RBM4: variants seen among roughly 807,000 people sequenced by gnomAD.
RBM4 encodes the protein RNA binding motif protein 4.
Under a neutral mutation model 29.5 loss-of-function variants are expected in RBM4, and 7 were observed. The observed-to-expected ratio is 0.24, with a 90% CI of 0.14 to 0.45. RBM4 has a LOEUF of 0.45. Ranked by LOEUF, RBM4 falls within the 20% of genes least tolerant of loss-of-function variation. The pLI is 1.00. For synonymous variants in RBM4, 220 were observed against 205.4 expected, an observed-to-expected ratio of 1.07 and a Z score of -0.61; for missense variants, 387 against 502.3, an observed-to-expected ratio of 0.77 and a Z score of 2.19.
At position 66,646,267 on chromosome 11, in the gene RBM4, C is replaced by T; in HGVS notation, c.*249C>T. On this transcript the variant is annotated 3_prime_UTR_variant, in exon 4 of 4. Transcript: ENST00000310092. ...AGCTTCCCATTCATGTTCTCTTCTC[C>T]CAGCAGGCCTCATTGTGTGCAGAAA... The T allele has an allele frequency of 7.1e-7, 1 of 1,403,916 alleles. No individual in the cohort carries two copies. Among genetic ancestry groups the T allele is most frequent in the Non-Finnish European group, 9.3e-7 (1 of 1,078,728 alleles). 87.0% of individuals were successfully genotyped at this position (1,403,916 alleles called of 1,614,324 possible). A position where few individuals can be genotyped will look rare whatever the true frequency, so the allele number is the denominator to read the frequency against.
At chr11:66,640,224 C>T in intron 2 of RBM4, 101 bp downstream of exon 2, 1 of 1,483,362 alleles carries the variant, frequency 6.7e-7, no homozygotes. Flanking sequence ...CAGCTGTTGG[C>T]TGGCTGGTGA....
Position 66,639,995 on chromosome 11 carries a change from G to C in RBM4, c.284G>C (p.Arg95Pro), listed in dbSNP as rs771469194. 6.2e-7 allele frequency: 1 copy of C among 1,614,138 alleles called. No homozygotes were observed. Among genetic ancestry groups the C allele is most frequent in the Non-Finnish European group, 8.5e-7 (1 of 1,180,038 alleles). Residue 95 changes from arginine (R) to proline (P), a missense_variant, in exon 2 of 4, where the codon CGA becomes CCA. Around this residue, in one of 2 missense-constraint regions of RBM4, gnomAD observed 106 missense variants for 213.6 expected, o/e 0.50. Coordinates refer to ENST00000310092, the MANE Select transcript of RBM4 (RefSeq NM_002896.4). ...ISPTCTNKEL[R>P]AKFEEYGPVI... ...CCCACCTGCACCAATAAGGAGCTTC[G>C]AGCCAAGTTTGAGGAGTATGGTCCG...
downstream of RBM4, among the ~76,000 whole-genome samples, chr11:66,646,860 C>T (rs1195917766): frequency 6.6e-6 from 1 of 152,158 alleles, no homozygotes; most frequent in Non-Finnish European, 1.5e-5. Flanking sequence ...AGTCAGTTTT[C>T]GCTCTTCGTG....
intron 2 of RBM4, among the ~76,000 whole-genome samples, chr11:66,660,351 C>CTTT (rs56839505): frequency 1.4e-4 from 18 of 127,556 alleles, no homozygotes; most frequent in South Asian, 7.6e-4. Flanking sequence ...GGGAGTCTCT[C>CTTT]TTTTTTTTTT....
rs1373442435 is a variant in RBM4 at position 66,643,374 on chromosome 11, A to G, written c.413-76A>G. The G allele has an allele frequency of 6.6e-7, 1 of 1,521,254 alleles. No homozygotes were observed. Among genetic ancestry groups the G allele is most frequent in the Admixed American group, 2.1e-5 (1 of 47,946 alleles). 94.2% of individuals were successfully genotyped at this position (1,521,254 alleles called of 1,614,324 possible). A position where few individuals can be genotyped will look rare whatever the true frequency, so the allele number is the denominator to read the frequency against. On this transcript the variant is annotated intron_variant, in intron 2 of 3. Coordinates refer to ENST00000310092, the MANE Select transcript of RBM4 (RefSeq NM_002896.4). The surrounding 1 kb of genome is among the most constrained non-coding windows in gnomAD (Gnocchi z 6.1). ...GAATTGTCTAGATAAAGCCATTGCT[A>G]TGACCAGTGTCTGGGGTAGGGGCTG...
intron 2 of RBM4, among the ~76,000 whole-genome samples, chr11:66,652,564 G>A (rs906935199): frequency 1.3e-5 from 2 of 152,180 alleles, no homozygotes; most frequent in East Asian, 3.8e-4. Context: ...GCATTATTAA[G>A]TTGTGTCATG....
At chr11:66,639,391 C>T in intron 1 of RBM4, 1 of 360,564 alleles carries the variant, frequency 2.8e-6, no homozygotes. Context: ...GATAGAAAAG[C>T]CTAGTACCCC....
At chr11:66,650,423 T>G (rs1414973868), downstream of RBM4, among the ~76,000 whole-genome samples, 3 of 151,848 alleles carry the variant, frequency 2.0e-5, no homozygotes, top group Non-Finnish European at 4.4e-5. Context: ...CACAAAAAAT[T>G]AGCCGGGCAT....
chr11:66,643,757 C>A lies in RBM4; in HGVS notation c.720C>A (p.Ser240=), dbSNP rs372104227. Residue 240 remains serine (S), a synonymous_variant, in exon 3 of 4, where the codon TCC becomes TCA. Coordinates refer to ENST00000310092, the MANE Select transcript of RBM4 (RefSeq NM_002896.4). This position sits in a 1 kb window ranked among gnomAD's most constrained non-coding sequence, Gnocchi z 6.1. ...AGGCAGTGGCAGCTGCAGCTGCCTC[C>A]GTGTATAATTACGCAGAGCAGACCC... ...SYEAVAAAAA[S]VYNYAEQTLS... 5 of 1,614,054 alleles carry A rather than the reference C, an allele frequency of 3.1e-6. No homozygotes were observed. Among genetic ancestry groups the A allele is most frequent in the Admixed American group, 1.7e-5 (1 of 60,016 alleles).
At chr11:66,656,333 G>T (rs1199451331) in intron 2 of RBM4, among the ~76,000 whole-genome samples, 2 of 152,034 alleles carry the variant, frequency 1.3e-5, no homozygotes, top group African/African-American at 2.4e-5. Flanking sequence ...GTAGAGACAG[G>T]GTTTCACTGT....
rs961680487 is a variant in RBM4 at position 66,643,035 on chromosome 11, C to T, written c.413-415C>T. 6.6e-6 allele frequency among the ~76,000 whole-genome samples: 1 copy of T among 152,094 alleles called. No homozygotes were observed. Among genetic ancestry groups the T allele is most frequent in the Non-Finnish European group, 1.5e-5 (1 of 68,014 alleles). Reference sequence around the variant, plus strand: ...TTTTTGAGGAGGGTGGAGAACTGGCCTTTACTTATATTCCTTTGCTTAATG... The same window carrying T: ...TTTTTGAGGAGGGTGGAGAACTGGCTTTTACTTATATTCCTTTGCTTAATG... On this transcript the variant is annotated intron_variant, in intron 2 of 3. Transcript: ENST00000310092. The surrounding 1 kb of genome is among the most constrained non-coding windows in gnomAD (Gnocchi z 6.1).
chr11:66,644,299 T>C, intron 3 of RBM4, 159 bp downstream of exon 3: 1 of 1,025,784 alleles, frequency 9.7e-7, no homozygotes, highest in Admixed American at 3.1e-5. Flanking sequence ...ACTGCTTAAC[T>C]TTAAAATACA....
At chr11:66,668,282 T>C (rs1261815261) in exon 3 of RBM4, 2 of 227,710 alleles carry the variant, frequency 8.8e-6, no homozygotes, top group Non-Finnish European at 1.8e-5. Context: ...ATCGTGTAGA[T>C]GATATACAGA....
chr11:66,667,722 G>C (rs1212754814), exon 3 of RBM4: 5 of 119,240 alleles, frequency 4.2e-5, no homozygotes, highest in Non-Finnish European at 1.1e-4. Flanking sequence ...TTAAATAAAG[G>C]AGAGACAGTC....
intron 2 of RBM4, chr11:66,640,943 T>A (rs891801371): frequency 2.0e-5 from 3 of 152,212 alleles, no homozygotes; most frequent in Non-Finnish European, 4.4e-5. Context: ...AAATGCTTGT[T>A]AGAGCATTTT....
chr11:66,649,918 T>C (rs1938789214), downstream of RBM4: 3 of 555,364 alleles, frequency 5.4e-6, no homozygotes, highest in Admixed American at 3.5e-5. Context: ...AATAAACTGA[T>C]TTTTTTCCCC....
At position 66,644,136 on chromosome 11, in the gene RBM4, T is replaced by C. The variant is rs765278877; in HGVS notation, c.*4T>C. 6.2e-6 allele frequency: 10 copies of C among 1,609,324 alleles called. No individual in the cohort carries two copies. In the Admixed American group the frequency reaches 8.4e-5, roughly 13 times the overall value. The stretch of plus-strand genomic sequence containing the variant: ...GGCGCGGTACTCAGCCTTTTAAAGC[T>C]TGAGGTGAGAGGGGTGGGGTGTTCC... On this transcript the variant is annotated 3_prime_UTR_variant, in exon 3 of 4. Transcript: ENST00000310092.
downstream of RBM4, among the ~76,000 whole-genome samples, chr11:66,651,436 C>T (rs1938829305): frequency 6.6e-6 from 1 of 151,926 alleles, no homozygotes; most frequent in African/African-American, 2.4e-5. Flanking sequence ...CATGCTCCAC[C>T]TCCCGGGTTC....
chr11:66,664,401 C>T (rs560471334), intron 2 of RBM4, among the ~76,000 whole-genome samples: 6 of 152,090 alleles, frequency 3.9e-5, no homozygotes, highest in African/African-American at 7.2e-5. Flanking sequence ...CTGCCTGCCT[C>T]GGTCTCCCAA....
Sources: allele counts gnomAD v4.1 joint callset (sites outside exome capture counted in the v4.1 genomes callset), GRCh38; gene constraint gnomAD v4.1.1; regional missense constraint gnomAD v4.1.1; non-coding constraint Gnocchi (gnomAD v3.1); transcripts MANE v1.5; gene names NCBI Gene and HGNC (gene_info 2026-07-23, HGNC 2026-07-21).